BACH2: variants seen among roughly 807,000 people sequenced by gnomAD.
BACH2 encodes the protein BACH transcriptional regulator 2.
A neutral mutation model predicts 61.8 loss-of-function variants in BACH2; 5 were observed. That is an observed-to-expected ratio of 0.08 (90% CI 0.04 to 0.17). The LOEUF is 0.17. BACH2 is among the 10% of genes least tolerant of loss of function. BACH2 has a pLI of 1.00. For synonymous variants in BACH2, 446 were observed against 440.1 expected (o/e 1.01, Z -0.17); for missense variants, 824 against 1,091.1 (o/e 0.76, Z 3.45).
At chr6:90,240,623 TATTC>T (rs1454363984) in intron 3 of BACH2, among the ~76,000 whole-genome samples, 1 of 152,188 alleles carries the variant, frequency 6.6e-6, no homozygotes, top group East Asian at 1.9e-4. Flanking sequence ...AAATCTTAAA[TATTC>T]ATCACAAAAT....
intron 5 of BACH2, among the ~76,000 whole-genome samples, chr6:90,063,797 C>A (rs1178560869): frequency 6.6e-6 from 1 of 152,116 alleles, no homozygotes; most frequent in Non-Finnish European, 1.5e-5. Flanking sequence ...TAATTGGATA[C>A]CGATAGATAT....
At chr6:90,279,004 G>A (rs756736454) in intron 1 of BACH2, among the ~76,000 whole-genome samples, 3 of 152,030 alleles carry the variant, frequency 2.0e-5, no homozygotes, top group Non-Finnish European at 4.4e-5. Context: ...AAATTATCAA[G>A]GAGATATATA....
At chr6:90,098,861 C>T (rs1019879858) in intron 4 of BACH2, among the ~76,000 whole-genome samples, 5 of 152,132 alleles carry the variant, frequency 3.3e-5, no homozygotes, top group Non-Finnish European at 7.4e-5. Flanking sequence ...ACTGTCAACA[C>T]GGCTAGGCCT....
At chr6:89,949,090 G>A (rs1457676233) in intron 7 of BACH2, among the ~76,000 whole-genome samples, 3 of 152,150 alleles carry the variant, frequency 2.0e-5, no homozygotes, top group Non-Finnish European at 2.9e-5. Flanking sequence ...TAAACTGCAC[G>A]TGGCTCTGTG....
intron 4 of BACH2, among the ~76,000 whole-genome samples, chr6:90,167,112 G>T (rs1377394821): frequency 6.6e-6 from 1 of 152,106 alleles, no homozygotes; most frequent in East Asian, 1.9e-4. Context: ...GAGTCTGTTT[G>T]ACCCTCACAG....
intron 2 of BACH2, among the ~76,000 whole-genome samples, chr6:90,269,352 A>G (rs758063401): frequency 6.6e-6 from 1 of 152,182 alleles, no homozygotes; most frequent in African/African-American, 2.4e-5. Context: ...AACTGGTGGG[A>G]AGAATAAAGA....
chr6:90,103,298 G>A (rs142978002), intron 4 of BACH2, among the ~76,000 whole-genome samples: 2 of 152,006 alleles, frequency 1.3e-5, no homozygotes, highest in African/African-American at 2.4e-5. Flanking sequence ...AGAGCCAGGA[G>A]CTGCTGTGTG....
intron 5 of BACH2, among the ~76,000 whole-genome samples, chr6:90,057,150 C>T (rs986270733): frequency 2.6e-5 from 4 of 151,910 alleles, no homozygotes; most frequent in African/African-American, 7.3e-5. Flanking sequence ...AATAGAGACA[C>T]AAAAAACCCT....
chr6:90,064,222 T>A (rs1780829361), intron 5 of BACH2, among the ~76,000 whole-genome samples: 1 of 152,100 alleles, frequency 6.6e-6, no homozygotes, highest in Non-Finnish European at 1.5e-5. Flanking sequence ...TGGCACCTTG[T>A]GAATGCAGAA....
intron 5 of BACH2, among the ~76,000 whole-genome samples, chr6:90,088,337 A>C (rs889191278): frequency 2.6e-5 from 4 of 152,190 alleles, no homozygotes; most frequent in Non-Finnish European, 5.9e-5. Context: ...TTTTAGCCTA[A>C]TAACAGCACT....
intron 5 of BACH2, among the ~76,000 whole-genome samples, chr6:90,016,778 T>C (rs532621104): frequency 6.6e-6 from 1 of 152,298 alleles, no homozygotes; most frequent in African/African-American, 2.4e-5. Context: ...AAGTTATCTT[T>C]GAAGGGTATA....
chr6:89,933,651 T>C (rs1772823225), intron 8 of BACH2, among the ~76,000 whole-genome samples: 1 of 152,134 alleles, frequency 6.6e-6, no homozygotes, highest in African/African-American at 2.4e-5. Context: ...ACTCTCTGTA[T>C]AGTGTGTTCA....
chr6:90,268,045 G>T (rs1291283765), intron 2 of BACH2, among the ~76,000 whole-genome samples: 4 of 132,080 alleles, frequency 3.0e-5, no homozygotes, highest in African/African-American at 1.2e-4. Context: ...GTCTTGCTCT[G>T]TCGCCCAGGC....
At chr6:90,267,113 C>A (rs1050013562) in intron 2 of BACH2, among the ~76,000 whole-genome samples, 2 of 151,976 alleles carry the variant, frequency 1.3e-5, no homozygotes, top group African/African-American at 4.8e-5. Context: ...ACATCTCCCC[C>A]CCACCAAAAA....
intron 6 of BACH2, among the ~76,000 whole-genome samples, chr6:89,981,512 CA>C (rs919336069): frequency 6.6e-6 from 1 of 152,062 alleles, no homozygotes; most frequent in African/African-American, 2.4e-5. Context: ...AATATAATGA[CA>C]AAAACTGCCA....
chr6:90,177,240 T>C (rs1280585650), intron 4 of BACH2, among the ~76,000 whole-genome samples: 2 of 152,176 alleles, frequency 1.3e-5, no homozygotes, highest in Non-Finnish European at 2.9e-5. Context: ...TTTATTCACA[T>C]GTATGTCTGT....
intron 6 of BACH2, among the ~76,000 whole-genome samples, chr6:90,005,109 G>A (rs1167514056): frequency 2.0e-5 from 3 of 152,076 alleles, no homozygotes; most frequent in Admixed American, 1.3e-4. Context: ...TGGTAATGGC[G>A]TGGCTCATCA....
At chr6:90,271,242 A>G (rs974631628) in intron 2 of BACH2, among the ~76,000 whole-genome samples, 1 of 151,990 alleles carries the variant, frequency 6.6e-6, no homozygotes, top group African/African-American at 2.4e-5. Context: ...AAACTAAAAA[A>G]TCAACAGAGT....
chr6:90,127,635 G>A (rs1192153052), intron 4 of BACH2, among the ~76,000 whole-genome samples: 4 of 152,212 alleles, frequency 2.6e-5, no homozygotes, highest in South Asian at 2.1e-4. Flanking sequence ...CAGAAAGAAT[G>A]TAGTGTGATT....
Sources: gnomAD v4.1 joint callset for allele counts (sites outside exome capture counted in the v4.1 genomes callset) on GRCh38, gnomAD v4.1.1 for gene constraint, MANE v1.5 for transcripts, NCBI Gene and HGNC (gene_info 2026-07-23, HGNC 2026-07-21) for gene names.